The following ELAPOR2 variants were observed in gnomAD, a reference collection of about 807,000 sequenced individuals.
ELAPOR2 encodes endosome-lysosome associated apoptosis and autophagy regulator family member 2, also known as endosome/lysosome-associated apoptosis and autophagy regulator family member 2.
A neutral mutation model predicts 120.7 loss-of-function variants in ELAPOR2; 89 were observed. The observed-to-expected ratio is 0.74, with a 90% confidence interval of 0.62 to 0.88. The LOEUF (loss-of-function observed/expected upper bound fraction) is 0.88, where lower values mean the gene tolerates loss of function less well. Among genes scored for constraint, ELAPOR2 ranks in the 40% least tolerant of loss-of-function variants. The pLI is 0.00. For synonymous variants in ELAPOR2, 444 were observed against 444.9 expected, an observed-to-expected ratio of 1.00 and a Z score of 0.03; for missense variants, 1,134 against 1,251.6, an observed-to-expected ratio of 0.91 and a Z score of 1.42.
intron 1 of ELAPOR2, among the ~76,000 whole-genome samples, chr7:87,043,786 A>C (rs1016105926): frequency 1.3e-5 from 2 of 151,664 alleles, no homozygotes; most frequent in Admixed American, 1.3e-4. Flanking sequence ...AAGGAAATAA[A>C]GGGTATTCAA....
intron 1 of ELAPOR2, among the ~76,000 whole-genome samples, chr7:87,050,950 C>T (rs1303337666): frequency 1.3e-5 from 2 of 152,132 alleles, no homozygotes; most frequent in East Asian, 1.9e-4. Context: ...ATGGAGAAAA[C>T]TATACAAGGA....
chr7:87,047,634 A>T (rs1431856467), intron 1 of ELAPOR2, among the ~76,000 whole-genome samples: 2 of 152,186 alleles, frequency 1.3e-5, no homozygotes, highest in African/African-American at 4.8e-5. Flanking sequence ...ATATCATCTC[A>T]CCCCAGTTAA....
intron 1 of ELAPOR2, among the ~76,000 whole-genome samples, chr7:87,027,176 C>T (rs994060344): frequency 5.3e-5 from 8 of 152,092 alleles, no homozygotes; most frequent in Admixed American, 2.6e-4. Context: ...TTTGATTTAT[C>T]TCTTCTTCCC....
At chr7:86,914,658 T>A (rs917874971) in intron 13 of ELAPOR2, 65 bp downstream of exon 13, 5 of 1,359,452 alleles carry the variant, frequency 3.7e-6, no homozygotes, top group Non-Finnish European at 5.0e-6. Context: ...TCACTTTGTA[T>A]GCATCTCCAC....
At chr7:86,925,206 T>C (rs1483833843) in intron 10 of ELAPOR2, among the ~76,000 whole-genome samples, 2 of 151,968 alleles carry the variant, frequency 1.3e-5, no homozygotes, top group Non-Finnish European at 2.9e-5. Context: ...TGCTACTCTT[T>C]AAAATGGTAA....
chr7:87,009,252 C>G (rs1207995410), intron 1 of ELAPOR2, among the ~76,000 whole-genome samples: 1 of 152,172 alleles, frequency 6.6e-6, no homozygotes. Context: ...GCACATTTAG[C>G]TCAACCTGGG....
In ELAPOR2 at chr7:86,926,843, G is replaced by C. The variant is rs1482565517; in HGVS notation, c.1163C>G (p.Pro388Arg). Residue 388 changes from proline to arginine, a missense_variant, in exon 9 of 22, where the codon CCT (proline) becomes CGT (arginine). This residue lies in a region of ELAPOR2 where 831 missense variants were observed against 867.6 expected (regional missense o/e 0.96). Transcript: ENST00000450689. ...EDLTDAIRLPPSGEKKDCPPC... is the reference protein window; with the variant it reads ...EDLTDAIRLPRSGEKKDCPPC... ...CGGACAATCCTTCTTCTCTCCAGAAGGGGGCAATCTAATAGCATCTGTGAG... is the reference window on the plus strand; with the variant it reads ...CGGACAATCCTTCTTCTCTCCAGAACGGGGCAATCTAATAGCATCTGTGAG... 1 of 1,611,030 alleles carries C rather than the reference G, an allele frequency of 6.2e-7. No homozygotes were observed. Among genetic ancestry groups the C allele is most frequent in the South Asian group, 1.1e-5 (1 of 90,820 alleles).
At chr7:86,945,897 T>C (rs1172840048) in intron 3 of ELAPOR2, among the ~76,000 whole-genome samples, 1 of 152,002 alleles carries the variant, frequency 6.6e-6, no homozygotes, top group Non-Finnish European at 1.5e-5. Context: ...GGAAGAAGTG[T>C]TACACACACA....
intron 1 of ELAPOR2, among the ~76,000 whole-genome samples, chr7:87,049,426 C>CGGGA (rs1469847577): frequency 5.9e-5 from 9 of 152,228 alleles, no homozygotes; most frequent in African/African-American, 2.2e-4. Flanking sequence ...GAACCACAGG[C>CGGGA]TCCCGCCACC....
Position 86,926,772 on chromosome 7 carries a change from G to A in ELAPOR2, c.1234C>T (p.Pro412Ser). The stretch of plus-strand genomic sequence containing the variant: ...TCTGAAAATGTTCCAGGAGGACAGG[G>A]ATGGCAAGAAGATGATCCATTGTTA... The part of the protein sequence containing the change: ...FYNNGSSSCH[P>S]CPPGTFSDGT... The change falls in exon 9 of 22, where the codon CCC becomes TCC. Residue 412 changes from proline (P) to serine (S), a missense_variant. Physicochemically the swap from Pro to Ser is moderately conservative, Grantham distance 74. Coordinates refer to ENST00000450689, the MANE Select transcript of ELAPOR2 (RefSeq NM_001142749.3). The A allele has an allele frequency of 6.2e-7, 1 of 1,611,562 alleles. No individual in the cohort carries two copies. The highest frequency in any genetic ancestry group is 1.1e-5 in the South Asian group (1 of 90,798).
At chr7:86,898,055 A>G (rs1175068495) in intron 18 of ELAPOR2, among the ~76,000 whole-genome samples, 1 of 152,204 alleles carries the variant, frequency 6.6e-6, no homozygotes, top group Non-Finnish European at 1.5e-5. Flanking sequence ...TGTTTATAGC[A>G]GCATTTTATA....
In ELAPOR2 at chr7:87,057,368, G is replaced by A. The variant is rs1363079327; in HGVS notation, c.189+1957C>T. Among the ~76,000 whole-genome samples, 4 of 152,308 alleles carry A rather than the reference G, an allele frequency of 2.6e-5. 1 individual carries two copies. Among genetic ancestry groups the A allele is most frequent in the South Asian group, 4.1e-4 (2 of 4,830 alleles). ...TATCAAACAGATTCAACCCCTGGGA[G>A]GTCACTAGGCCTCTTCTACTTCCAA... is the stretch of plus-strand genomic sequence containing the variant. On this transcript the variant is annotated intron_variant, in intron 1 of 21. Transcript: ENST00000450689.
In ELAPOR2 at chr7:86,965,022, T is replaced by C. The variant is rs754660576; in HGVS notation, c.192A>G (p.Lys64=). 172 of 1,551,382 alleles carry C rather than the reference T, an allele frequency of 1.1e-4. No homozygotes were observed. The highest frequency in any genetic ancestry group is 1.4e-4 in the Non-Finnish European group (165 of 1,146,816). Residue 64 remains lysine (K), a splice_region_variant and synonymous_variant, in exon 2 of 22, where the codon AAA becomes AAG. Transcript: ENST00000450689. The part of the protein sequence containing the change: ...SSRPLPPCQE[K]DYHFEYTECD... ...ATTCCGTATATTCAAAGTGATAATC[T>C]TTCTGCAAACAATCACAAAAACAAG...
chr7:87,059,361 G>A lies in ELAPOR2; in HGVS notation c.153C>T (p.Pro51=). ...GCQAAWAGDL[P]SSSSRPLPPC... ...GAGGAAGCGGGCGGCTGGAGGAGGA[G>A]GGCAGGTCCCCAGCCCAGGCCGCCT... Residue 51 remains proline (P), a synonymous_variant, in exon 1 of 22, where the codon CCC becomes CCT. Coordinates refer to ENST00000450689, the MANE Select transcript of ELAPOR2 (RefSeq NM_001142749.3). 1 of 1,247,394 alleles carries A rather than the reference G, an allele frequency of 8.0e-7. No homozygotes were observed. The highest frequency in any genetic ancestry group is 1.0e-6 in the Non-Finnish European group (1 of 988,734). 77.3% of individuals were successfully genotyped at this position (1,247,394 alleles called of 1,614,324 possible).
chr7:86,946,157 T>TCACACACA (rs1491424238), intron 3 of ELAPOR2, among the ~76,000 whole-genome samples: 62 of 110,610 alleles, frequency 5.6e-4, no homozygotes, highest in African/African-American at 2.5e-3. Flanking sequence ...GGATACCATT[T>TCACACACA]CTCACACACA....
intron 1 of ELAPOR2, among the ~76,000 whole-genome samples, chr7:86,982,384 C>A (rs1792533910): frequency 6.6e-6 from 1 of 152,226 alleles, no homozygotes; most frequent in Non-Finnish European, 1.5e-5. Context: ...CTCCGTGTAG[C>A]CTTACTGGGA....
chr7:87,059,214 C>T lies in ELAPOR2; in HGVS notation c.189+111G>A, dbSNP rs183003152. ...GAAGCAAACGAAAGCCCCTGTTCTCCAAGCAAAGGAAAAGGGGATGGCAAA... is the reference window on the plus strand; with the variant it reads ...GAAGCAAACGAAAGCCCCTGTTCTCTAAGCAAAGGAAAAGGGGATGGCAAA... On this transcript the variant is annotated intron_variant, in intron 1 of 21. Coordinates refer to ENST00000450689, the MANE Select transcript of ELAPOR2 (RefSeq NM_001142749.3). The T allele has an allele frequency of 2.3e-5, 28 of 1,227,962 alleles. No homozygotes were observed. The Admixed American group carries it at 2.6e-4, about 11-fold the overall frequency. 76.1% of individuals were successfully genotyped at this position (1,227,962 alleles called of 1,614,324 possible).
chr7:86,999,700 T>C (rs1793247809), intron 1 of ELAPOR2, among the ~76,000 whole-genome samples: 1 of 152,144 alleles, frequency 6.6e-6, no homozygotes, highest in South Asian at 2.1e-4. Context: ...GTAGAAACAT[T>C]CAGTGCAGTT....
intron 1 of ELAPOR2, among the ~76,000 whole-genome samples, chr7:86,986,758 A>G (rs1404682978): frequency 1.3e-5 from 2 of 151,822 alleles, no homozygotes; most frequent in African/African-American, 2.4e-5. Context: ...TATCGTGAAA[A>G]TGGCCATACT....
Sources: gnomAD v4.1 joint callset for allele counts (sites outside exome capture counted in the v4.1 genomes callset) on GRCh38, gnomAD v4.1.1 for gene constraint, gnomAD v4.1.1 regional missense constraint, MANE v1.5 for transcripts, NCBI Gene and HGNC (gene_info 2026-07-23, HGNC 2026-07-21) for gene names.